PRKCQ: variants seen among roughly 807,000 people sequenced by gnomAD.
PRKCQ encodes the protein protein kinase C theta type.
PRKCQ carries 41 observed loss-of-function variants against 91.2 expected under a neutral mutation model. That is an observed-to-expected ratio of 0.45 (90% confidence interval 0.35 to 0.58). PRKCQ has a LOEUF of 0.58. Among genes scored for constraint, PRKCQ ranks in the 20% least tolerant of loss-of-function variants. The pLI is 0.00. For missense variants in PRKCQ, 673 were observed against 896.5 expected, an observed-to-expected ratio of 0.75 and a Z score of 3.18; for synonymous variants, 307 against 316.9, an observed-to-expected ratio of 0.97 and a Z score of 0.33.
chr10:6,579,038 C>T (rs1414480026), intron 1 of PRKCQ, among the ~76,000 whole-genome samples: 2 of 152,204 alleles, frequency 1.3e-5, no homozygotes, highest in African/African-American at 4.8e-5. Flanking sequence ...CTCCAGGCTT[C>T]TTGCCTCTCT....
intron 14 of PRKCQ, among the ~76,000 whole-genome samples, chr10:6,458,898 C>T (rs968404212): frequency 9.2e-5 from 14 of 152,136 alleles, no homozygotes; most frequent in African/African-American, 2.9e-4. Context: ...GCATACTTTC[C>T]GGCTCTGTGG....
intron 1 of PRKCQ, among the ~76,000 whole-genome samples, chr10:6,523,767 T>C (rs776381620): frequency 6.6e-6 from 1 of 152,246 alleles, no homozygotes; most frequent in African/African-American, 2.4e-5. Context: ...CACTAAGGCA[T>C]AGCCCTGGTC....
intron 1 of PRKCQ, among the ~76,000 whole-genome samples, chr10:6,579,104 CAA>C (rs913995406): frequency 1.3e-5 from 2 of 152,166 alleles, no homozygotes; most frequent in African/African-American, 4.8e-5. Flanking sequence ...AAGAAAAGGT[CAA>C]AGAGGCCGGA....
chr10:6,413,799 C>G, the PRKCQ span, among the ~76,000 whole-genome samples: 1 of 150,114 alleles, frequency 6.7e-6, no homozygotes, highest in South Asian at 2.1e-4. Context: ...CTAGGAAGCA[C>G]TGGATTAAAT....
chr10:6,447,506 G>T (rs928707839), intron 15 of PRKCQ, among the ~76,000 whole-genome samples: 1 of 151,620 alleles, frequency 6.6e-6, no homozygotes, highest in African/African-American at 2.4e-5. Context: ...GCCTCTCTTT[G>T]CTCCTATTAT....
Position 6,515,135 on chromosome 10 carries a change from T to TG in PRKCQ, c.-1dup. ...AAGCCAATCCGAAGAAATGGCGACA[T>TG]GGTTGCGCCCTGGAAAAAGACAAAA... On this transcript the variant is annotated 5_prime_UTR_variant, in exon 2 of 18. Coordinates refer to ENST00000263125, the MANE Select transcript of PRKCQ (RefSeq NM_006257.5). 1 of 1,613,104 alleles carries TG rather than the reference T, an allele frequency of 6.2e-7. No individual in the cohort carries two copies. Among genetic ancestry groups the TG allele is most frequent in the Non-Finnish European group, 8.5e-7 (1 of 1,179,764 alleles).
chr10:6,529,322 T>C lies in PRKCQ; in HGVS notation c.-9-14178A>G, dbSNP rs570064212. ...TGGAAATGTAGGACTCTGCTTCTTG[T>C]GTCAAAATTTACTCTGAAAAGACAA... On this transcript the variant is annotated intron_variant, in intron 1 of 17. Transcript: ENST00000263125. 3.9e-5 allele frequency among the ~76,000 whole-genome samples: 6 copies of C among 152,322 alleles called. No homozygotes were observed. The South Asian group carries it at 1.2e-3, about 32-fold the overall frequency.
At position 6,430,715 on chromosome 10, in the gene PRKCQ, G is replaced by A. The variant is rs558014691; in HGVS notation, c.1965+95C>T. On this transcript the variant is annotated intron_variant, in intron 17 of 17. Coordinates refer to ENST00000263125, the MANE Select transcript of PRKCQ (RefSeq NM_006257.5). The surrounding 1 kb of genome is among the most constrained non-coding windows in gnomAD (Gnocchi z 4.7). ...GGGGCTGGTGGGGAGTTGGGGCACCGGCAGGGGTGAGCAGCTGCGGTGACT... is the reference window on the plus strand; with the variant it reads ...GGGGCTGGTGGGGAGTTGGGGCACCAGCAGGGGTGAGCAGCTGCGGTGACT... 4.9e-5 allele frequency: 75 copies of A among 1,526,458 alleles called. No individual in the cohort carries two copies. The highest frequency in any genetic ancestry group is 1.8e-4 in the Middle Eastern group (1 of 5,468). 94.6% of individuals were successfully genotyped at this position (1,526,458 alleles called of 1,614,324 possible).
chr10:6,517,283 G>T (rs1838802496), intron 1 of PRKCQ, among the ~76,000 whole-genome samples: 1 of 151,474 alleles, frequency 6.6e-6, no homozygotes, highest in African/African-American at 2.4e-5. Flanking sequence ...ACCAATAAAA[G>T]AAATCAGTTA....
At chr10:6,395,610 T>C in the PRKCQ span, among the ~76,000 whole-genome samples, 1 of 152,168 alleles carries the variant, frequency 6.6e-6, no homozygotes. Context: ...TTCTTAGCTC[T>C]ACAAAGGCAG....
intron 1 of PRKCQ, among the ~76,000 whole-genome samples, chr10:6,552,835 T>C (rs968089989): frequency 2.6e-5 from 4 of 152,168 alleles, no homozygotes; most frequent in Non-Finnish European, 5.9e-5. Flanking sequence ...CTTTGGTTTA[T>C]AGGGATTATA....
intron 12 of PRKCQ, among the ~76,000 whole-genome samples, chr10:6,471,333 A>G (rs1374331031): frequency 6.6e-6 from 1 of 152,256 alleles, no homozygotes; most frequent in Non-Finnish European, 1.5e-5. Context: ...GTACAGGAGC[A>G]AAATCATCTT....
Position 6,430,298 on chromosome 10 carries a change from C to T in PRKCQ, c.1965+512G>A, listed in dbSNP as rs75610065. On this transcript the variant is annotated intron_variant, in intron 17 of 17. Transcript: ENST00000263125. The surrounding 1 kb of genome is among the most constrained non-coding windows in gnomAD (Gnocchi z 4.7). ...GTACAGACCTATCTTTTTTAAAGCA[C>T]GGATTTAGTTAGTTTCTCCCTTAAA... Among the ~76,000 whole-genome samples the T allele has an allele frequency of 9.8e-5, 15 of 152,292 alleles. No individual in the cohort carries two copies. Among genetic ancestry groups the T allele is most frequent in the South Asian group, 4.1e-4 (2 of 4,824 alleles).
At chr10:6,487,368 G>A (rs535133047) in intron 8 of PRKCQ, among the ~76,000 whole-genome samples, 1 of 152,316 alleles carries the variant, frequency 6.6e-6, no homozygotes, top group African/African-American at 2.4e-5. Flanking sequence ...AGAGGAGAGG[G>A]AAATACTCGA....
In PRKCQ at chr10:6,517,344, T is replaced by G. The variant is rs868614119; in HGVS notation, c.-9-2200A>C. ...TTTTTAAATTAGCAAGTTTTGTGTT[T>G]TTTTTTTTCTTACATGCTATGATCA... On this transcript the variant is annotated intron_variant, in intron 1 of 17. Transcript: ENST00000263125. Among the ~76,000 whole-genome samples the G allele has an allele frequency of 9.4e-3, 1,426 of 151,646 alleles. 18 individuals carry two copies. Among genetic ancestry groups the G allele is most frequent in the African/African-American group, 0.032 (1,337 of 41,368 alleles).
chr10:6,492,466 A>G (rs1291994947), intron 7 of PRKCQ, among the ~76,000 whole-genome samples: 1 of 152,160 alleles, frequency 6.6e-6, no homozygotes, highest in Non-Finnish European at 1.5e-5. Flanking sequence ...AGTCGCTTCT[A>G]TTAGTATCCT....
At chr10:6,570,256 CAT>C (rs1024992213) in intron 1 of PRKCQ, among the ~76,000 whole-genome samples, 1 of 152,012 alleles carries the variant, frequency 6.6e-6, no homozygotes, top group Admixed American at 6.5e-5. Context: ...TCGTTCAAGA[CAT>C]GTGGGGTGAG....
At chr10:6,405,115 G>T in the PRKCQ span, among the ~76,000 whole-genome samples, 3 of 151,966 alleles carry the variant, frequency 2.0e-5, no homozygotes, top group Non-Finnish European at 2.9e-5. Context: ...CCAGATAGCT[G>T]GGTCCACAGG....
chr10:6,508,841 A>C (rs1838327678), intron 3 of PRKCQ, among the ~76,000 whole-genome samples: 2 of 152,234 alleles, frequency 1.3e-5, no homozygotes, highest in South Asian at 4.1e-4. Flanking sequence ...ACATTCCAGC[A>C]CATTTTGGGG....
Sources: gnomAD v4.1 joint callset for allele counts (sites outside exome capture counted in the v4.1 genomes callset) on GRCh38, gnomAD v4.1.1 for gene constraint, Gnocchi (gnomAD v3.1) non-coding constraint, MANE v1.5 for transcripts, NCBI Gene and HGNC (gene_info 2026-07-23, HGNC 2026-07-21) for gene names.